TRRAP: variants seen among roughly 807,000 people sequenced by gnomAD.
The protein encoded by TRRAP is transformation/transcription domain-associated protein.
Under a neutral mutation model 438.8 loss-of-function variants are expected in TRRAP, and 41 were observed. The ratio of observed to expected loss-of-function variants is 0.09; its 90% CI spans 0.07 to 0.12. The LOEUF is 0.12. Ranked by LOEUF, TRRAP falls within the 10% of genes least tolerant of loss-of-function variation. The pLI, the probability that TRRAP is intolerant of heterozygous loss-of-function variation, is 1.00. For synonymous variants in TRRAP, 1,994 were observed against 1,962.9 expected (o/e 1.02, Z -0.42); for missense variants, 3,122 against 5,055.1 (o/e 0.62, Z 11.60).
At chr7:98,929,857 G>T (rs1554412407) in intron 23 of TRRAP, 132 bp from the exon 24 acceptor site, 2 of 884,440 alleles carry the variant, frequency 2.3e-6, no homozygotes, top group Non-Finnish European at 3.6e-6. Context: ...GCCTCCCAGA[G>T]TGCTGGGATT....
rs1790289068 is a variant in TRRAP, at chr7:98,930,722, G to A, written c.3483G>A (p.Val1161=). ...CGTGGTATGCAAAGCTGGGGGGTGT[G>A]GTGTCTATTAAGTTTCTCATGGAGC... The part of the protein sequence containing the change: ...EQAWYAKLGG[V]VSIKFLMERL... Residue 1161 remains valine (V), a synonymous_variant, in exon 25 of 73, where the codon GTG becomes GTA. Transcript: ENST00000456197. 1.2e-6 allele frequency: 2 copies of A among 1,614,226 alleles called. No homozygotes were observed. The highest frequency in any genetic ancestry group is 2.7e-5 in the African/African-American group (2 of 75,064).
At chr7:98,892,577 C>A in intron 5 of TRRAP, 49 bp downstream of exon 5, 2 of 1,427,214 alleles carry the variant, frequency 1.4e-6, no homozygotes, top group Non-Finnish European at 1.9e-6. Context: ...GTAAAACTTT[C>A]ACTGATTTTT....
chr7:98,912,362 C>A, intron 18 of TRRAP, 149 bp downstream of exon 18: 2 of 622,214 alleles, frequency 3.2e-6, no homozygotes, highest in Non-Finnish European at 5.0e-6. Flanking sequence ...GGACTATAGG[C>A]ACTCACCACT....
intron 22 of TRRAP, 22 bp downstream of exon 22, chr7:98,925,285 G>A (rs192561859): frequency 1.9e-6 from 3 of 1,609,312 alleles, no homozygotes; most frequent in Non-Finnish European, 1.7e-6. Flanking sequence ...ACTTCCTTCT[G>A]TGTGGTTGGG....
chr7:98,920,400 G>A lies in TRRAP; in HGVS notation c.2623-1353G>A, dbSNP rs116297934. 1.7e-3 allele frequency among the ~76,000 whole-genome samples: 251 copies of A among 151,958 alleles called. 1 individual carries two copies. Among genetic ancestry groups the A allele is most frequent in the African/African-American group, 5.5e-3 (226 of 41,436 alleles). The stretch of plus-strand genomic sequence containing the variant: ...AGGATTGCTTGCTTGGACCTGGGAA[G>A]TAGTGGTTGCAGTGAGCCGAGATTG... On this transcript the variant is annotated intron_variant, in intron 20 of 72. Coordinates refer to ENST00000456197, the MANE Select transcript of TRRAP (RefSeq NM_001375524.1).
In TRRAP at chr7:98,911,170, G is replaced by A. The variant is rs782247663; in HGVS notation, c.1906G>A (p.Ala636Thr). ...GGAGAAGGAGGTATTGGAGCATTTC[G>A]CTGGTGTGTTCACAATGATGAACCC... The part of the protein sequence containing the change: ...KEEKEVLEHF[A>T]GVFTMMNPLT... The change falls in exon 17 of 73, where the codon GCT (alanine) becomes ACT (threonine). Residue 636 changes from alanine (A) to threonine (T), a missense_variant. This residue lies in a region of TRRAP where 149 missense variants were observed against 302.8 expected (regional missense o/e 0.49). Transcript: ENST00000456197. The A allele has an allele frequency of 1.9e-6, 3 of 1,614,178 alleles. No individual in the cohort carries two copies. Among genetic ancestry groups the A allele is most frequent in the Admixed American group, 1.7e-5 (1 of 60,022 alleles).
At chr7:98,972,053 T>C (rs555943252) in intron 53 of TRRAP, 108 bp downstream of exon 53, 13 of 1,428,630 alleles carry the variant, frequency 9.1e-6, no homozygotes, top group Admixed American at 8.3e-5. Flanking sequence ...TCTTTTCTTT[T>C]TCTTTTTGAG....
chr7:99,009,123 G>A (rs776404383), intron 70 of TRRAP, among the ~76,000 whole-genome samples: 13 of 152,200 alleles, frequency 8.5e-5, no homozygotes, highest in Admixed American at 3.3e-4. Context: ...GCAGCCCCTC[G>A]GAGGTACAGA....
chr7:98,933,174 A>G (rs1790405198), intron 26 of TRRAP, 67 bp from the exon 27 acceptor site: 2 of 1,485,892 alleles, frequency 1.3e-6, no homozygotes, highest in South Asian at 1.3e-5. Context: ...TGGTTTTCAC[A>G]TTTTTAAAAA....
intron 43 of TRRAP, among the ~76,000 whole-genome samples, chr7:98,957,450 A>G (rs1254258798): frequency 6.6e-6 from 1 of 152,196 alleles, no homozygotes; most frequent in East Asian, 1.9e-4. Context: ...CTTTGGAAGT[A>G]AAAAGTTGAA....
In TRRAP at chr7:98,908,581, G is replaced by A. The variant is rs1796898894; in HGVS notation, c.1116-147G>A. ...TTGAGCCCTCTTCTGTCATGTATCTGGGAGAGAGTAATGTGGTGAAAATGG... is the reference window on the plus strand; with the variant it reads ...TTGAGCCCTCTTCTGTCATGTATCTAGGAGAGAGTAATGTGGTGAAAATGG... On this transcript the variant is annotated intron_variant, in intron 13 of 72. Transcript: ENST00000456197. The surrounding 1 kb of genome is among the most constrained non-coding windows in gnomAD (Gnocchi z 4.1). 1 of 657,074 alleles carries A rather than the reference G, an allele frequency of 1.5e-6. No homozygotes were observed. The highest frequency in any genetic ancestry group is 2.4e-5 in the Admixed American group (1 of 40,984). 40.7% of individuals were successfully genotyped at this position (657,074 alleles called of 1,614,324 possible). A position where few individuals can be genotyped will look rare whatever the true frequency, so the allele number is the denominator to read the frequency against.
rs782365972 is a variant in TRRAP, at chr7:98,931,634, G to C, written c.3821G>C (p.Ser1274Thr). ...GTGTTGGCCCAGGTCACTGGGAAGA[G>C]TGTCACGGTGATCATGGAACCCCAC... ...LQVLAQVTGK[S>T]VTVIMEPHKE... Residue 1274 changes from serine to threonine, a missense_variant, in exon 26 of 73, where the codon AGT becomes ACT. Ser to Thr is a moderately conservative substitution (Grantham distance 58, BLOSUM62 1). Around this residue, in one of 24 missense-constraint regions of TRRAP, gnomAD observed 153 missense variants for 223.0 expected, o/e 0.69. Coordinates refer to ENST00000456197, the MANE Select transcript of TRRAP (RefSeq NM_001375524.1). 6.2e-7 allele frequency: 1 copy of C among 1,614,158 alleles called. No homozygotes were observed. The highest frequency in any genetic ancestry group is 1.1e-5 in the South Asian group (1 of 91,084).
At chr7:98,916,626 C>T (rs1789530585) in intron 19 of TRRAP, among the ~76,000 whole-genome samples, 1 of 152,172 alleles carries the variant, frequency 6.6e-6, no homozygotes, top group Non-Finnish European at 1.5e-5. Flanking sequence ...CATAACCTGG[C>T]TCCATGTCCG....
chr7:98,985,489 C>T (rs578102389), intron 62 of TRRAP, among the ~76,000 whole-genome samples: 2 of 152,352 alleles, frequency 1.3e-5, no homozygotes, highest in South Asian at 2.1e-4. Flanking sequence ...TGACTGCTTT[C>T]GCTTTACTGC....
At chr7:98,928,322 C>T (rs1554412002) in intron 23 of TRRAP, among the ~76,000 whole-genome samples, 1 of 152,194 alleles carries the variant, frequency 6.6e-6, no homozygotes, top group Non-Finnish European at 1.5e-5. Context: ...ATTTCAGCAT[C>T]TCCTCCCAGA....
chr7:99,000,297 C>A (rs1006336357), intron 67 of TRRAP, among the ~76,000 whole-genome samples: 7 of 152,344 alleles, frequency 4.6e-5, no homozygotes, highest in Middle Eastern at 3.4e-3. Flanking sequence ...GTGTGAGTCA[C>A]TGCCCGGCCA....
chr7:98,907,505 C>T (rs1045106913), intron 13 of TRRAP, among the ~76,000 whole-genome samples: 35 of 152,142 alleles, frequency 2.3e-4, no homozygotes, highest in African/African-American at 8.4e-4. Context: ...TCACTGTTTT[C>T]TATAGACAAT....
At chr7:98,918,624 A>G (rs1015220275) in intron 20 of TRRAP, among the ~76,000 whole-genome samples, 2 of 152,304 alleles carry the variant, frequency 1.3e-5, no homozygotes, top group East Asian at 3.9e-4. Context: ...TCTATCCAGG[A>G]AAGATCTTCA....
Position 98,922,752 on chromosome 7 carries a change from T to C in TRRAP, c.2823+799T>C, listed in dbSNP as rs79354523. On this transcript the variant is annotated intron_variant, in intron 21 of 72. Coordinates refer to ENST00000456197, the MANE Select transcript of TRRAP (RefSeq NM_001375524.1). The stretch of plus-strand genomic sequence containing the variant: ...GTAAGCTGGCTGCCTGCTGGGGTCC[T>C]GAGCCTCTTGCAGATCTGATCTTCA... Among the ~76,000 whole-genome samples, 408 of 152,224 alleles carry C rather than the reference T, an allele frequency of 2.7e-3. 6 individuals carry two copies. The highest frequency in any genetic ancestry group is 0.024 in the East Asian group (124 of 5,148).
Sources: gnomAD v4.1 joint callset for allele counts (sites outside exome capture counted in the v4.1 genomes callset) on GRCh38, gnomAD v4.1.1 for gene constraint, gnomAD v4.1.1 regional missense constraint, Gnocchi (gnomAD v3.1) non-coding constraint, MANE v1.5 for transcripts, NCBI Gene and HGNC (gene_info 2026-07-23, HGNC 2026-07-21) for gene names.